The following DUSP18 variants were observed in gnomAD, a reference collection of about 807,000 sequenced individuals.
DUSP18 encodes the protein dual specificity phosphatase 18.
In DUSP18, 4 loss-of-function variants were observed where a neutral mutation model predicts 6.3. The ratio of observed to expected loss-of-function variants is 0.63; its 90% CI spans 0.31 to 1.45. The LOEUF (loss-of-function observed/expected upper bound fraction) is 1.45, where lower values mean the gene tolerates loss of function less well. Among genes scored for constraint, DUSP18 ranks in the 40% most tolerant of loss-of-function variants. The pLI, the probability that DUSP18 is intolerant of heterozygous loss-of-function variation, is 0.07. For synonymous variants in DUSP18, 96 were observed against 95.1 expected (o/e 1.01, Z -0.05); for missense variants, 235 against 247.7 (o/e 0.95, Z 0.34).
At chr22:30,657,923 A>ATAATAC (rs1471456660), downstream of DUSP18, among the ~76,000 whole-genome samples, 3 of 144,670 alleles carry the variant, frequency 2.1e-5, no homozygotes, top group Non-Finnish European at 4.5e-5. Context: ...AATAATAATA[A>ATAATAC]TAATAATAAT....
chr22:30,666,883 T>A (rs1184437285), intron 1 of DUSP18: 1 of 152,144 alleles, frequency 6.6e-6, no homozygotes, highest in Non-Finnish European at 1.5e-5. Context: ...GAGTAAGCCC[T>A]CTCAAAATGA....
At chr22:30,667,260 TTTATGGTCCA>T (rs1241951054) in intron 1 of DUSP18, 192 bp downstream of exon 1, 2 of 152,206 alleles carry the variant, frequency 1.3e-5, no homozygotes, top group African/African-American at 4.8e-5. Context: ...GAAGCCGACC[TTTATGGTCCA>T]TTATGTGTGG....
At chr22:30,658,813 C>T (rs2088397635), downstream of DUSP18, among the ~76,000 whole-genome samples, 1 of 152,092 alleles carries the variant, frequency 6.6e-6, no homozygotes, top group South Asian at 2.1e-4. Flanking sequence ...GGGGCATAAG[C>T]TTAGGACTGT....
At position 30,663,862 on chromosome 22, in the gene DUSP18, T is replaced by C. The variant is rs1602106650; in HGVS notation, c.142A>G (p.Met48Val). The change falls in exon 2 of 2, where the codon ATG (methionine) becomes GTG (valine). Residue 48 changes from methionine to valine, a missense_variant. By Grantham distance (21) the Met-to-Val change is conservative. Coordinates refer to ENST00000334679, the MANE Select transcript of DUSP18 (RefSeq NM_152511.5). ...KLMLSSNQIT[M>V]VINVSVEVVN... ...ACCTCCACTGAGACATTGATGACCA[T>C]GGTGATCTGGTTGCTAGACAGCATG... is the stretch of plus-strand genomic sequence containing the variant. 1.2e-6 allele frequency: 2 copies of C among 1,614,184 alleles called. No individual in the cohort carries two copies. The highest frequency in any genetic ancestry group is 1.1e-5 in the South Asian group (1 of 91,082).
chr22:30,667,561 A>T lies in DUSP18; in HGVS notation c.-177T>A, dbSNP rs2088723908. The T allele has an allele frequency of 1.3e-5, 2 of 152,344 alleles. No homozygotes were observed. The highest frequency in any genetic ancestry group is 4.1e-4 in the South Asian group (2 of 4,840). 9.4% of individuals were successfully genotyped at this position (152,344 alleles called of 1,614,324 possible). On this transcript the variant is annotated 5_prime_UTR_variant, in exon 1 of 2. Transcript: ENST00000334679. ...GGAGAGAGACCCGTCATGATCCCGC[A>T]GCCTCAATCCCCGCTGGCCTAACGC...
At chr22:30,655,340 C>T (rs1484706780) in intron 2 of DUSP18, among the ~76,000 whole-genome samples, 1 of 149,712 alleles carries the variant, frequency 6.7e-6, no homozygotes, top group African/African-American at 2.5e-5. Flanking sequence ...GCCTGTAGTC[C>T]CAGCTACTTG....
Position 30,663,564 on chromosome 22 carries a change from A to G in DUSP18, c.440T>C (p.Phe147Ser). The G allele has an allele frequency of 6.2e-7, 1 of 1,614,208 alleles. No individual in the cohort carries two copies. Among genetic ancestry groups the G allele is most frequent in the Non-Finnish European group, 8.5e-7 (1 of 1,180,032 alleles). ...CRPIIRPNSG[F>S]WEQLIHYEFQ... ...CTCATAGTGGATGAGCTGCTCCCAAAAGCCGCTGTTGGGTCGGATGATGGG... is the reference window on the plus strand; with the variant it reads ...CTCATAGTGGATGAGCTGCTCCCAAGAGCCGCTGTTGGGTCGGATGATGGG... Residue 147 changes from phenylalanine (F) to serine (S), a missense_variant, in exon 2 of 2, where the codon TTT becomes TCT. Transcript: ENST00000334679.
At chr22:30,666,643 A>AAAAAAAAAAAAC (rs1258874924) in intron 1 of DUSP18, among the ~76,000 whole-genome samples, 1 of 151,326 alleles carries the variant, frequency 6.6e-6, no homozygotes, top group Non-Finnish European at 1.5e-5. Flanking sequence ...AAAAAAAAAA[A>AAAAAAAAAAAAC]AAAGCAATCT....
intron 1 of DUSP18, chr22:30,665,697 T>C (rs1002582094): frequency 5.8e-6 from 2 of 344,000 alleles, no homozygotes; most frequent in Admixed American, 6.8e-5. Context: ...ATCTGTCTGA[T>C]TATTTGATTA....
chr22:30,656,678 ACT>A (rs936033955), downstream of DUSP18, among the ~76,000 whole-genome samples: 2 of 152,176 alleles, frequency 1.3e-5, no homozygotes, highest in Non-Finnish European at 2.9e-5. Context: ...AGGCTGCTCT[ACT>A]CTGAGTCCAA....
chr22:30,664,067 G>A lies in DUSP18; in HGVS notation c.-64C>T. 1 of 1,469,658 alleles carries A rather than the reference G, an allele frequency of 6.8e-7. No homozygotes were observed. The highest frequency in any genetic ancestry group is 9.2e-7 in the Non-Finnish European group (1 of 1,081,448). The allele number at this position is 1,469,658 out of a possible 1,614,324, so 91.0% of individuals were successfully genotyped here. A position where few individuals can be genotyped will look rare whatever the true frequency, so the allele number is the denominator to read the frequency against. ...GAAGGCTGCGTCTTTCTGCTAGGCT[G>A]TGTCCATGGAAAACTGCAGAGAGGG... On this transcript the variant is annotated 5_prime_UTR_variant, in exon 2 of 2. The change creates a premature stop within an existing upstream ORF in the 5' untranslated region. Transcript: ENST00000334679.
At chr22:30,665,605 CG>C (rs1569074375) in intron 1 of DUSP18, 1 of 466,010 alleles carries the variant, frequency 2.1e-6, no homozygotes. Context: ...CCCTCCCTCA[CG>C]TTTGACCAAC....
downstream of DUSP18, among the ~76,000 whole-genome samples, chr22:30,657,092 T>C (rs1486629166): frequency 6.6e-6 from 1 of 152,194 alleles, no homozygotes; most frequent in African/African-American, 2.4e-5. Context: ...GATGGGGATA[T>C]TGTGGCTGGA....
Position 30,664,096 on chromosome 22 carries a change from G to T in DUSP18, c.-77-16C>A. The T allele has an allele frequency of 4.0e-6, 5 of 1,242,284 alleles. No homozygotes were observed. The highest frequency in any genetic ancestry group is 2.3e-5 in the Admixed American group (1 of 42,854). 77.0% of individuals were successfully genotyped at this position (1,242,284 alleles called of 1,614,324 possible). A position where few individuals can be genotyped will look rare whatever the true frequency, so the allele number is the denominator to read the frequency against. On this transcript the variant is annotated splice_polypyrimidine_tract_variant and intron_variant, in intron 1 of 1. Transcript: ENST00000334679. ...CCATGGAAAACTGCAGAGAGGGAGA[G>T]GATGTTTAGAGGGCAGGTGCCCAGA...
chr22:30,667,376 G>A (rs902745442), intron 1 of DUSP18, 86 bp downstream of exon 1: 2 of 152,218 alleles, frequency 1.3e-5, no homozygotes, highest in African/African-American at 2.4e-5. Context: ...ATCACTTCTA[G>A]GGGTGGGCCG....
chr22:30,665,911 C>T (rs368051747), intron 1 of DUSP18, among the ~76,000 whole-genome samples: 2 of 136,550 alleles, frequency 1.5e-5, no homozygotes, highest in Admixed American at 7.4e-5. Context: ...TCTCTGGCAG[C>T]GTGTCTCCAG....
intron 2 of DUSP18, among the ~76,000 whole-genome samples, chr22:30,655,463 G>A (rs201087159): frequency 2.8e-5 from 4 of 142,058 alleles, no homozygotes; most frequent in East Asian, 2.0e-4. Context: ...AAGAAAAAAA[G>A]AAGCCACTAG....
intron 1 of DUSP18, chr22:30,665,438 C>A: frequency 2.2e-6 from 1 of 452,604 alleles, no homozygotes. Flanking sequence ...TCCTCTCCAG[C>A]CAGTGGCCTT....
At chr22:30,656,960 A>G (rs2088350120), downstream of DUSP18, among the ~76,000 whole-genome samples, 1 of 151,788 alleles carries the variant, frequency 6.6e-6, no homozygotes, top group African/African-American at 2.4e-5. Context: ...ATTTTGTATA[A>G]AAATATAAAG....
Sources: gnomAD v4.1 joint callset for allele counts (sites outside exome capture counted in the v4.1 genomes callset) on GRCh38, gnomAD v4.1.1 for gene constraint, MANE v1.5 for transcripts, NCBI Gene and HGNC (gene_info 2026-07-23, HGNC 2026-07-21) for gene names.